The following CELSR1 variants were observed in gnomAD, a reference collection of about 807,000 sequenced individuals.
CELSR1 encodes adhesion G protein-coupled receptor C1.
A neutral mutation model predicts 249.1 loss-of-function variants in CELSR1; 110 were observed. That is an observed-to-expected ratio of 0.44 (90% confidence interval 0.38 to 0.52). CELSR1 has a LOEUF of 0.52. Among genes scored for constraint, CELSR1 ranks in the 20% least tolerant of loss-of-function variants. The pLI, the probability that CELSR1 is intolerant of heterozygous loss-of-function variation, is 0.00. For synonymous variants in CELSR1, 2,113 were observed against 1,900.0 expected (o/e 1.11, Z -2.92); for missense variants, 4,109 against 4,296.4 (o/e 0.96, Z 1.22).
chr22:46,458,756 G>GT (rs2079985910), intron 2 of CELSR1, among the ~76,000 whole-genome samples: 1 of 152,208 alleles, frequency 6.6e-6, no homozygotes, highest in Non-Finnish European at 1.5e-5. Context: ...GCACCTGGGT[G>GT]TTGACAGAAC....
rs2079074592 is a variant in CELSR1 at position 46,390,244 on chromosome 22, C to G, written c.6345+148G>C. 6 of 605,152 alleles carry G rather than the reference C, an allele frequency of 9.9e-6. No individual in the cohort carries two copies. The South Asian group carries it at 1.6e-4, about 16-fold the overall frequency. The allele number at this position is 605,152 out of a possible 1,614,324, so 37.5% of individuals were successfully genotyped here. A position where few individuals can be genotyped will look rare whatever the true frequency, so the allele number is the denominator to read the frequency against. On this transcript the variant is annotated intron_variant, in intron 17 of 34. Coordinates refer to ENST00000674500, the MANE Select transcript of CELSR1 (RefSeq NM_001378328.1). The surrounding 1 kb of genome is among the most constrained non-coding windows in gnomAD (Gnocchi z 6.3). ...GAAGTCCACAGGAACCTGCTGGCTC[C>G]AGGCTGCGGGCCCGTGGGGCTGTCC...
rs1357032578 is a variant in CELSR1, at chr22:46,440,052, G to T, written c.4184-641C>A. ...TGAAGGGCAGGCACCACCCTACTCT[G>T]ATGTCCTTCCTAGAGTTTAAACTCT... is the stretch of plus-strand genomic sequence containing the variant. On this transcript the variant is annotated intron_variant, in intron 2 of 34. Transcript: ENST00000674500. This position sits in a 1 kb window ranked among gnomAD's most constrained non-coding sequence, Gnocchi z 4.7. 6.6e-6 allele frequency among the ~76,000 whole-genome samples: 1 copy of T among 152,074 alleles called. No individual in the cohort carries two copies. Among genetic ancestry groups the T allele is most frequent in the Admixed American group, 6.5e-5 (1 of 15,276 alleles).
chr22:46,527,993 G>T lies in CELSR1; in HGVS notation c.3544+5634C>A, dbSNP rs117289384. Among the ~76,000 whole-genome samples the T allele has an allele frequency of 0.038, 5,785 of 151,832 alleles. 135 individuals are homozygous for T. The highest frequency in any genetic ancestry group is 0.057 in the Non-Finnish European group (3,847 of 67,938). On this transcript the variant is annotated intron_variant, in intron 1 of 34. Transcript: ENST00000674500. This position sits in a 1 kb window ranked among gnomAD's most constrained non-coding sequence, Gnocchi z 5.5. ...ACCTATAATCCCAGCTACTTGGGAAGCTGAGGCAGCTGAGGCAGGAGAATC... is the reference window on the plus strand; with the variant it reads ...ACCTATAATCCCAGCTACTTGGGAATCTGAGGCAGCTGAGGCAGGAGAATC...
Position 46,410,009 on chromosome 22 carries a change from C to T in CELSR1, c.4934-129G>A, listed in dbSNP as rs183578963. ...GGACAGAAGTCAGACCAGGTCTGAA[C>T]GCCCCTGGCAACGGCAGGAACATGG... On this transcript the variant is annotated intron_variant, in intron 7 of 34. Transcript: ENST00000674500. This position sits in a 1 kb window ranked among gnomAD's most constrained non-coding sequence, Gnocchi z 6.8. The T allele has an allele frequency of 1.2e-5, 14 of 1,205,732 alleles. No homozygotes were observed. Among genetic ancestry groups the T allele is most frequent in the East Asian group, 4.8e-5 (2 of 41,650 alleles). The allele number at this position is 1,205,732 out of a possible 1,614,324, so 74.7% of individuals were successfully genotyped here.
chr22:46,427,928 G>C lies in CELSR1; in HGVS notation c.4611+5465C>G, dbSNP rs1310916054. ...AGTTTTTAGAACATGTGCAGAAACG[G>C]AGAAGCTCCCCCGACCCCAGGGGTG... is the stretch of plus-strand genomic sequence containing the variant. On this transcript the variant is annotated intron_variant, in intron 5 of 34. Transcript: ENST00000674500. The surrounding 1 kb of genome is among the most constrained non-coding windows in gnomAD (Gnocchi z 4.2). 6.6e-6 allele frequency among the ~76,000 whole-genome samples: 1 copy of C among 152,140 alleles called. No individual in the cohort carries two copies. The highest frequency in any genetic ancestry group is 2.4e-5 in the African/African-American group (1 of 41,434).
rs1173576316 is a variant in CELSR1 at position 46,362,981 on chromosome 22, C to T, written c.*242G>A. 3 of 713,310 alleles carry T rather than the reference C, an allele frequency of 4.2e-6. No homozygotes were observed. The highest frequency in any genetic ancestry group is 7.0e-6 in the Non-Finnish European group (3 of 431,426). The allele number at this position is 713,310 out of a possible 1,614,324, so 44.2% of individuals were successfully genotyped here. ...TCCACGCCTCCCTCATGCCTGTGGCCTTTGGCACTTGTCACCAGGTCTGAC... is the reference window on the plus strand; with the variant it reads ...TCCACGCCTCCCTCATGCCTGTGGCTTTTGGCACTTGTCACCAGGTCTGAC... On this transcript the variant is annotated 3_prime_UTR_variant, in exon 35 of 35. Coordinates refer to ENST00000674500, the MANE Select transcript of CELSR1 (RefSeq NM_001378328.1).
chr22:46,393,316 C>T lies in CELSR1; in HGVS notation c.5964+826G>A, dbSNP rs940854494. Among the ~76,000 whole-genome samples the T allele has an allele frequency of 6.6e-6, 1 of 152,244 alleles. No individual in the cohort carries two copies. The highest frequency in any genetic ancestry group is 1.5e-5 in the Non-Finnish European group (1 of 68,040). ...GAGAACGCGTGTGCATTTCTGGAGA[C>T]ACGAGATGTGAGCTCCGTGCTGCAT... On this transcript the variant is annotated intron_variant, in intron 14 of 34. Transcript: ENST00000674500. This position sits in a 1 kb window ranked among gnomAD's most constrained non-coding sequence, Gnocchi z 4.1.
intron 30 of CELSR1, 91 bp from the exon 31 acceptor site, chr22:46,365,780 C>G (rs2078763325): frequency 1.1e-6 from 1 of 888,356 alleles, no homozygotes; most frequent in Non-Finnish European, 1.7e-6. Context: ...GCCCCTACCC[C>G]TTCTGTGTTC....
At chr22:46,508,917 C>T (rs374388724) in intron 1 of CELSR1, among the ~76,000 whole-genome samples, 3 of 152,160 alleles carry the variant, frequency 2.0e-5, no homozygotes, top group African/African-American at 7.2e-5. Context: ...CCAGCGGCTA[C>T]GATGGTCAAA....
At chr22:46,482,029 T>C (rs988336841) in intron 1 of CELSR1, among the ~76,000 whole-genome samples, 1 of 152,192 alleles carries the variant, frequency 6.6e-6, no homozygotes, top group Admixed American at 6.5e-5. Context: ...AGCCTCAGCC[T>C]CCCAAAGTGC....
rs185462228 is a variant in CELSR1 at position 46,391,101 on chromosome 22, C to T, written c.6250+85G>A. 1,298 of 1,118,488 alleles carry T rather than the reference C, an allele frequency of 1.2e-3. 15 individuals are homozygous for T. In the African/African-American group the frequency reaches 0.018, roughly 15 times the overall value. The allele number at this position is 1,118,488 out of a possible 1,614,324, so 69.3% of individuals were successfully genotyped here. A position where few individuals can be genotyped will look rare whatever the true frequency, so the allele number is the denominator to read the frequency against. On this transcript the variant is annotated intron_variant, in intron 16 of 34. Coordinates refer to ENST00000674500, the MANE Select transcript of CELSR1 (RefSeq NM_001378328.1). The surrounding 1 kb of genome is among the most constrained non-coding windows in gnomAD (Gnocchi z 4.3). ...CTGCGGATATTTTTTCAACACGAAA[C>T]ATTCCATGAGTCCCCACATCTCGAC...
intron 31 of CELSR1, 103 bp from the exon 32 acceptor site, chr22:46,365,483 C>A: frequency 6.4e-7 from 1 of 1,552,706 alleles, no homozygotes; most frequent in Admixed American, 1.8e-5. Flanking sequence ...TGACGCTGAG[C>A]ATGGCGAGGC....
intron 32 of CELSR1, among the ~76,000 whole-genome samples, 161 bp downstream of exon 32, chr22:46,365,070 T>C (rs199711672): frequency 1.3e-5 from 2 of 152,152 alleles, no homozygotes; most frequent in Non-Finnish European, 2.9e-5. Context: ...CCAGAGGCTG[T>C]GGGGGAGCCC....
intron 1 of CELSR1, among the ~76,000 whole-genome samples, chr22:46,476,773 C>T (rs886713352): frequency 6.6e-6 from 1 of 151,838 alleles, no homozygotes; most frequent in Non-Finnish European, 1.5e-5. Context: ...GCGCAAGGGG[C>T]AAGAGGGACC....
rs754954022 is a variant in CELSR1 at position 46,363,986 on chromosome 22, G to T, written c.9035+10C>A. ...GGGTGATCCCCGCCCTGGAGGCCCAGGCTACTCACTCAGAGTCGGAGCCAT... is the reference window on the plus strand; with the variant it reads ...GGGTGATCCCCGCCCTGGAGGCCCATGCTACTCACTCAGAGTCGGAGCCAT... On this transcript the variant is annotated intron_variant, in intron 34 of 34. Transcript: ENST00000674500. This position sits in a 1 kb window ranked among gnomAD's most constrained non-coding sequence, Gnocchi z 4.3. The T allele has an allele frequency of 4.4e-6, 7 of 1,591,024 alleles. No homozygotes were observed. In the East Asian group the frequency reaches 1.4e-4, roughly 31 times the overall value.
At chr22:46,455,624 T>C (rs1320326576) in intron 2 of CELSR1, among the ~76,000 whole-genome samples, 2 of 152,226 alleles carry the variant, frequency 1.3e-5, no homozygotes, top group Non-Finnish European at 2.9e-5. Flanking sequence ...TTCTGTCGTC[T>C]TCAGCCACTC....
chr22:46,381,035 GACACGCC>G lies in CELSR1; in HGVS notation c.7089-87_7089-81del. 1 of 1,420,430 alleles carries G rather than the reference GACACGCC, an allele frequency of 7.0e-7. No individual in the cohort carries two copies. 88.0% of individuals were successfully genotyped at this position (1,420,430 alleles called of 1,614,324 possible). ...AAATCCCGCGCACAAATGCCCTGAG[GACACGCC>G]ATGATGTGTTTCTAGGGGAGACAGA... On this transcript the variant is annotated intron_variant, in intron 21 of 34. Transcript: ENST00000674500. This position sits in a 1 kb window ranked among gnomAD's most constrained non-coding sequence, Gnocchi z 6.0.
chr22:46,470,325 T>C (rs908226713), intron 1 of CELSR1, among the ~76,000 whole-genome samples: 3 of 151,826 alleles, frequency 2.0e-5, no homozygotes, highest in Non-Finnish European at 4.4e-5. Flanking sequence ...TTATGTATCA[T>C]AGTGAGAAGC....
In CELSR1 at chr22:46,367,064, G is replaced by A; in HGVS notation, c.8134C>T (p.Leu2712=). Residue 2712 remains leucine (L), a synonymous_variant, in exon 29 of 35, where the codon CTG becomes TTG. Transcript: ENST00000674500. ...TTCCTCCCGCCGAGCACGCCCTTCA[G>A]GTGCTTCCGGACCTCCTGGTTGAGC... is the stretch of plus-strand genomic sequence containing the variant. ...CVLNQEVRKH[L]KGVLGGRKLH... The A allele has an allele frequency of 1.2e-6, 2 of 1,611,508 alleles. No individual in the cohort carries two copies. Among genetic ancestry groups the A allele is most frequent in the East Asian group, 2.2e-5 (1 of 44,866 alleles).
Sources: gnomAD v4.1 joint callset for allele counts (sites outside exome capture counted in the v4.1 genomes callset) on GRCh38, gnomAD v4.1.1 for gene constraint, Gnocchi (gnomAD v3.1) non-coding constraint, MANE v1.5 for transcripts, NCBI Gene and HGNC (gene_info 2026-07-23, HGNC 2026-07-21) for gene names.